DNAL1: variants seen among roughly 807,000 people sequenced by gnomAD.
The protein encoded by DNAL1 is chromosome 14 open reading frame 168.
DNAL1 carries 17 observed loss-of-function variants against 29.4 expected under a neutral mutation model. The ratio of observed to expected loss-of-function variants is 0.58; its 90% CI spans 0.40 to 0.87. The LOEUF is 0.87. Among genes scored for constraint, DNAL1 ranks in the 40% least tolerant of loss-of-function variants. The pLI is 0.00. For missense variants in DNAL1, 188 were observed against 214.1 expected (o/e 0.88, Z 0.76); for synonymous variants, 78 against 76.3 (o/e 1.02, Z -0.12).
At chr14:73,691,214 TCTACGCTAAA>T (rs1174880087) in intron 7 of DNAL1, among the ~76,000 whole-genome samples, 2 of 152,210 alleles carry the variant, frequency 1.3e-5, no homozygotes, top group African/African-American at 4.8e-5. Context: ...ATAGAGATAA[TCTACGCTAAA>T]CGTTGTGCTT....
At chr14:73,674,141 G>A (rs1323921312) in intron 5 of DNAL1, among the ~76,000 whole-genome samples, 2 of 152,070 alleles carry the variant, frequency 1.3e-5, no homozygotes, top group African/African-American at 4.8e-5. Flanking sequence ...TATATGATCT[G>A]GCCTTTGCCT....
intron 7 of DNAL1, 54 bp from the exon 8 acceptor site, chr14:73,695,848 G>T: frequency 6.8e-7 from 1 of 1,478,134 alleles, no homozygotes; most frequent in South Asian, 1.2e-5. Context: ...TTTTCATCTA[G>T]AATTTTAGCA....
At chr14:73,663,638 G>A (rs992465452) in intron 4 of DNAL1, among the ~76,000 whole-genome samples, 2 of 152,012 alleles carry the variant, frequency 1.3e-5, no homozygotes, top group Non-Finnish European at 2.9e-5. Flanking sequence ...TACAACTTTT[G>A]TGATAGTCAA....
chr14:73,645,108 G>A, intron 1 of DNAL1, 66 bp downstream of exon 1: 1 of 1,582,638 alleles, frequency 6.3e-7, no homozygotes, highest in African/African-American at 1.3e-5. Context: ...GGGTGACTGT[G>A]GAGTGTTGAG....
intron 5 of DNAL1, among the ~76,000 whole-genome samples, chr14:73,682,619 T>C (rs1336952622): frequency 6.6e-6 from 1 of 151,836 alleles, no homozygotes; most frequent in Non-Finnish European, 1.5e-5. Context: ...TCTATAAGCT[T>C]TCTATAAGCT....
intron 5 of DNAL1, among the ~76,000 whole-genome samples, chr14:73,679,020 G>A (rs1435609824): frequency 3.3e-5 from 5 of 151,908 alleles, no homozygotes; most frequent in Non-Finnish European, 4.4e-5. Context: ...TTTTTGAGAC[G>A]GAGTCTCGCT....
chr14:73,686,928 G>A (rs753147128), intron 5 of DNAL1, among the ~76,000 whole-genome samples: 86 of 151,636 alleles, frequency 5.7e-4, no homozygotes, highest in Non-Finnish European at 5.9e-4. Flanking sequence ...TTTGAAAACC[G>A]TACCATTAAT....
rs1188180749 is a variant in DNAL1, at chr14:73,698,366, A to G, written c.*2424A>G. The G allele has an allele frequency of 1.3e-5, 2 of 152,182 alleles. No homozygotes were observed. Among genetic ancestry groups the G allele is most frequent in the Non-Finnish European group, 2.9e-5 (2 of 68,038 alleles). 9.4% of individuals were successfully genotyped at this position (152,182 alleles called of 1,614,324 possible). On this transcript the variant is annotated 3_prime_UTR_variant, in exon 8 of 8. Transcript: ENST00000553645. ...GATATTCTCTCAAATCATTCCCTAA[A>G]TTATCCTTTACTGCTGCAAATTTAG... is the stretch of plus-strand genomic sequence containing the variant.
intron 6 of DNAL1, among the ~76,000 whole-genome samples, chr14:73,689,027 T>G (rs901840736): frequency 2.5e-4 from 2 of 7,902 alleles, no homozygotes; most frequent in Admixed American, 1.6e-3. Flanking sequence ...AAACTTGCTG[T>G]TTTTTTTTTT....
At chr14:73,667,268 C>T (rs1891509156) in intron 4 of DNAL1, among the ~76,000 whole-genome samples, 1 of 151,864 alleles carries the variant, frequency 6.6e-6, no homozygotes, top group Non-Finnish European at 1.5e-5. Flanking sequence ...TCAAGACCAG[C>T]CTAGCCAACA....
chr14:73,684,930 GCATT>G (rs771340199), intron 5 of DNAL1, among the ~76,000 whole-genome samples: 1 of 139,752 alleles, frequency 7.2e-6, no homozygotes, highest in Non-Finnish European at 1.7e-5. Context: ...AGATTTTATG[GCATT>G]TCATAAAGCT....
intron 5 of DNAL1, among the ~76,000 whole-genome samples, chr14:73,684,752 T>A (rs775085797): frequency 3.9e-4 from 59 of 152,096 alleles, no homozygotes; most frequent in Admixed American, 1.7e-3. Context: ...TTTTTTAAAT[T>A]AGCCAAGCAT....
intron 2 of DNAL1, among the ~76,000 whole-genome samples, chr14:73,657,154 G>A (rs1891237431): frequency 6.6e-6 from 1 of 152,030 alleles, no homozygotes; most frequent in African/African-American, 2.4e-5. Flanking sequence ...ACTGCAGTAG[G>A]TTATACAAAA....
intron 4 of DNAL1, among the ~76,000 whole-genome samples, chr14:73,664,774 T>C (rs909906696): frequency 3.3e-5 from 5 of 151,898 alleles, no homozygotes; most frequent in African/African-American, 1.2e-4. Flanking sequence ...AGGAGGAGGA[T>C]TGCTTGAGCT....
chr14:73,698,679 G>A lies in DNAL1; in HGVS notation c.*2737G>A, dbSNP rs1186808531. 1 of 152,074 alleles carries A rather than the reference G, an allele frequency of 6.6e-6. No homozygotes were observed. The highest frequency in any genetic ancestry group is 2.4e-5 in the African/African-American group (1 of 41,402). 9.4% of individuals were successfully genotyped at this position (152,074 alleles called of 1,614,324 possible). On this transcript the variant is annotated 3_prime_UTR_variant, in exon 8 of 8. Coordinates refer to ENST00000553645, the MANE Select transcript of DNAL1 (RefSeq NM_031427.4). ...GGCTTGTCTTGAACTCCTAACTTCA[G>A]ATGACCTGCCCACATCGGCCTCCCA...
chr14:73,689,339 A>G (rs1664701261), intron 6 of DNAL1, 36 bp from the exon 7 acceptor site: 2 of 1,549,384 alleles, frequency 1.3e-6, no homozygotes, highest in East Asian at 2.4e-5. Context: ...GCCAAAACTT[A>G]GTGTTTTAAT....
intron 4 of DNAL1, among the ~76,000 whole-genome samples, chr14:73,666,404 C>A (rs1009900390): frequency 6.6e-6 from 1 of 152,024 alleles, no homozygotes; most frequent in Non-Finnish European, 1.5e-5. Flanking sequence ...TGCCATTTAT[C>A]TTTGGTGAAA....
intron 5 of DNAL1, among the ~76,000 whole-genome samples, chr14:73,676,362 C>G (rs1383155657): frequency 6.6e-6 from 1 of 152,094 alleles, no homozygotes; most frequent in East Asian, 1.9e-4. Flanking sequence ...CTATTCCCTA[C>G]CAGCTCCATG....
chr14:73,692,405 C>G (rs1407383476), intron 7 of DNAL1, among the ~76,000 whole-genome samples: 3 of 151,882 alleles, frequency 2.0e-5, no homozygotes, highest in Admixed American at 1.3e-4. Context: ...TCACTTGAAC[C>G]CGGGAGGCAG....
Sources: allele counts gnomAD v4.1 joint callset (sites outside exome capture counted in the v4.1 genomes callset), GRCh38; gene constraint gnomAD v4.1.1; transcripts MANE v1.5; gene names NCBI Gene and HGNC (gene_info 2026-07-23, HGNC 2026-07-21).